The following FSTL5 variants were observed in gnomAD, a reference collection of about 807,000 sequenced individuals.
FSTL5 encodes the protein follistatin-related protein 5.
In FSTL5, 62 loss-of-function variants were observed where a neutral mutation model predicts 89.1. The ratio of observed to expected loss-of-function variants is 0.70; its 90% CI spans 0.57 to 0.86. The LOEUF (loss-of-function observed/expected upper bound fraction) is 0.86, where lower values mean the gene tolerates loss of function less well. Ranked by LOEUF, FSTL5 falls within the 40% of genes least tolerant of loss-of-function variation. The pLI, the probability that FSTL5 is intolerant of heterozygous loss-of-function variation, is 0.00. For missense variants in FSTL5, 1,057 were observed against 1,001.6 expected, an observed-to-expected ratio of 1.06 and a Z score of -0.75; for synonymous variants, 383 against 346.2, an observed-to-expected ratio of 1.11 and a Z score of -1.18.
At chr4:161,511,175 C>A (rs1001056368) in intron 10 of FSTL5, among the ~76,000 whole-genome samples, 1 of 152,044 alleles carries the variant, frequency 6.6e-6, no homozygotes, top group Non-Finnish European at 1.5e-5. Flanking sequence ...AAAGCAAAAT[C>A]ATAAAAGTGT....
intron 9 of FSTL5, among the ~76,000 whole-genome samples, chr4:161,540,235 T>C (rs72685739): frequency 0.074 from 11,339 of 152,238 alleles, 540 homozygotes; most frequent in Middle Eastern, 0.16. Context: ...TATAAGACTA[T>C]TGCATAAGCG....
chr4:162,093,740 TC>T (rs1730642017), intron 2 of FSTL5, among the ~76,000 whole-genome samples: 1 of 152,202 alleles, frequency 6.6e-6, no homozygotes, highest in Non-Finnish European at 1.5e-5. Context: ...ACCACAAACT[TC>T]TGTGATTTGT....
At chr4:162,119,427 T>C (rs186097007) in intron 1 of FSTL5, among the ~76,000 whole-genome samples, 46 of 152,356 alleles carry the variant, frequency 3.0e-4, no homozygotes, top group African/African-American at 9.1e-4. Context: ...CAACTAGCCA[T>C]GTGACTGCTA....
chr4:162,090,896 TC>T (rs1730523965), intron 2 of FSTL5, among the ~76,000 whole-genome samples: 1 of 150,238 alleles, frequency 6.7e-6, no homozygotes, highest in South Asian at 2.1e-4. Context: ...TTAAGACCTT[TC>T]CAAAGATTCC....
At chr4:161,446,009 A>C (rs1291219810) in intron 15 of FSTL5, among the ~76,000 whole-genome samples, 1 of 152,082 alleles carries the variant, frequency 6.6e-6, no homozygotes, top group Non-Finnish European at 1.5e-5. Flanking sequence ...GTTTGACTCA[A>C]AATAACTGGT....
chr4:161,589,380 A>G (rs1347937139), intron 7 of FSTL5, among the ~76,000 whole-genome samples: 1 of 151,840 alleles, frequency 6.6e-6, no homozygotes, highest in East Asian at 1.9e-4. Context: ...AACAGGTTTT[A>G]CCATGTTCGC....
At chr4:161,414,965 T>A (rs964843662) in intron 15 of FSTL5, among the ~76,000 whole-genome samples, 6 of 152,190 alleles carry the variant, frequency 3.9e-5, no homozygotes. Flanking sequence ...AATGTTTCTT[T>A]GACTCCTTTC....
intron 15 of FSTL5, among the ~76,000 whole-genome samples, chr4:161,421,116 C>T (rs551846623): frequency 7.2e-4 from 110 of 152,056 alleles, no homozygotes; most frequent in Non-Finnish European, 1.1e-3. Context: ...CCGAGGCAGG[C>T]GGATCACGAG....
At chr4:161,563,824 T>C (rs1732697403) in intron 8 of FSTL5, among the ~76,000 whole-genome samples, 1 of 152,024 alleles carries the variant, frequency 6.6e-6, no homozygotes, top group Admixed American at 6.6e-5. Context: ...ATAACATTAC[T>C]ATAATCTAAA....
At chr4:161,405,880 T>TCA (rs1269495455) in intron 15 of FSTL5, among the ~76,000 whole-genome samples, 4 of 152,178 alleles carry the variant, frequency 2.6e-5, no homozygotes, top group Non-Finnish European at 5.9e-5. Flanking sequence ...GGATGATAGT[T>TCA]TCAAAGTGCT....
intron 7 of FSTL5, among the ~76,000 whole-genome samples, chr4:161,635,683 C>T (rs1420716411): frequency 6.6e-6 from 1 of 152,084 alleles, no homozygotes; most frequent in East Asian, 1.9e-4. Context: ...AGAGGGATGG[C>T]TATCTTTCTT....
intron 6 of FSTL5, among the ~76,000 whole-genome samples, chr4:161,755,515 A>T (rs559323655): frequency 6.6e-6 from 1 of 152,066 alleles, no homozygotes; most frequent in African/African-American, 2.4e-5. Context: ...CCAGAAAACA[A>T]TTAATGAATC....
intron 6 of FSTL5, among the ~76,000 whole-genome samples, chr4:161,701,904 T>C (rs866857852): frequency 6.6e-6 from 1 of 152,156 alleles, no homozygotes; most frequent in Non-Finnish European, 1.5e-5. Context: ...ATTAGATTTA[T>C]ATTGTTCCAT....
chr4:161,815,199 TG>T (rs1205296690), intron 4 of FSTL5, among the ~76,000 whole-genome samples: 3 of 152,026 alleles, frequency 2.0e-5, no homozygotes, highest in African/African-American at 7.2e-5. Flanking sequence ...AATGTATTAC[TG>T]TATAGAATTT....
intron 2 of FSTL5, among the ~76,000 whole-genome samples, chr4:162,035,022 TA>T (rs1737676330): frequency 6.6e-6 from 1 of 152,178 alleles, no homozygotes; most frequent in Admixed American, 6.6e-5. Flanking sequence ...TTACTTGTAT[TA>T]AAAATACATT....
rs76533036 is a variant in FSTL5, at chr4:161,528,996, A to T, written c.1312+9170T>A. On this transcript the variant is annotated intron_variant, in intron 10 of 15. Coordinates refer to ENST00000306100, the MANE Select transcript of FSTL5 (RefSeq NM_020116.5). ...CAACTTATCCTAAAATAAATTAGTCACATTGGCATTGTGTAATATGAATTA... is the reference window on the plus strand; with the variant it reads ...CAACTTATCCTAAAATAAATTAGTCTCATTGGCATTGTGTAATATGAATTA... 2.8e-5 allele frequency among the ~76,000 whole-genome samples: 4 copies of T among 143,618 alleles called. 2 individuals carry two copies. In the East Asian group the frequency reaches 9.7e-4, roughly 35 times the overall value. 94.2% of individuals were successfully genotyped at this position (143,618 alleles called of 152,430 possible).
chr4:161,833,544 G>C lies in FSTL5; in HGVS notation c.410-57470C>G, dbSNP rs1281224898. ...TCTCTTTGTAGGTCACTCAGGACTT[G>C]CTTTATGAATCTGGGTGCTCCTGTA... is the stretch of plus-strand genomic sequence containing the variant. On this transcript the variant is annotated intron_variant, in intron 4 of 15. Coordinates refer to ENST00000306100, the MANE Select transcript of FSTL5 (RefSeq NM_020116.5). 1.4e-5 allele frequency among the ~76,000 whole-genome samples: 2 copies of C among 145,220 alleles called. 1 individual carries two copies. The highest frequency in any genetic ancestry group is 4.1e-4 in the East Asian group (2 of 4,886).
intron 15 of FSTL5, among the ~76,000 whole-genome samples, chr4:161,436,864 T>A (rs78319416): frequency 0.015 from 2,360 of 152,278 alleles, 64 homozygotes; most frequent in African/African-American, 0.053. Context: ...GGGAAAGTTT[T>A]CAAAGAAGTT....
At position 161,556,635 on chromosome 4, in the gene FSTL5, A is replaced by T. The variant is rs565456642; in HGVS notation, c.1016-13942T>A. Among the ~76,000 whole-genome samples, 5 of 151,538 alleles carry T rather than the reference A, an allele frequency of 3.3e-5. No individual in the cohort carries two copies. The South Asian group carries it at 1.0e-3, about 31-fold the overall frequency. On this transcript the variant is annotated intron_variant, in intron 8 of 15. Coordinates refer to ENST00000306100, the MANE Select transcript of FSTL5 (RefSeq NM_020116.5). Reference sequence around the variant, plus strand: ...CTATGCAGATAGAAATGAATTCACGACAATATTGTTGAAGATCTTTTCAAC... The same window carrying T: ...CTATGCAGATAGAAATGAATTCACGTCAATATTGTTGAAGATCTTTTCAAC...
Sources: allele counts gnomAD v4.1 joint callset (sites outside exome capture counted in the v4.1 genomes callset), GRCh38; gene constraint gnomAD v4.1.1; transcripts MANE v1.5; gene names NCBI Gene and HGNC (gene_info 2026-07-23, HGNC 2026-07-21).